Variants in SNTB2 observed in about 807,000 individuals in gnomAD.
SNTB2 encodes beta-2-syntrophin.
In SNTB2, 34 loss-of-function variants were observed where a neutral mutation model predicts 46.2. That is an observed-to-expected ratio of 0.74 (90% confidence interval 0.56 to 0.98). The LOEUF (loss-of-function observed/expected upper bound fraction) is 0.98, where lower values mean the gene tolerates loss of function less well. Ranked by LOEUF, SNTB2 falls within the 50% of genes least tolerant of loss-of-function variation. The pLI is 0.00. For synonymous variants in SNTB2, 290 were observed against 312.6 expected, an observed-to-expected ratio of 0.93 and a Z score of 0.76; for missense variants, 603 against 731.4, an observed-to-expected ratio of 0.82 and a Z score of 2.02.
chr16:69,265,120 G>T (rs2143104119), intron 3 of SNTB2, among the ~76,000 whole-genome samples: 1 of 152,116 alleles, frequency 6.6e-6, no homozygotes, highest in Non-Finnish European at 1.5e-5. Flanking sequence ...GTGGTGGCGG[G>T]CGCCTGTACT....
At chr16:69,196,919 GT>G (rs1223105464) in intron 1 of SNTB2, among the ~76,000 whole-genome samples, 1 of 152,148 alleles carries the variant, frequency 6.6e-6, no homozygotes, top group Non-Finnish European at 1.5e-5. Flanking sequence ...AGGATTTATT[GT>G]TATGATTGGC....
chr16:69,204,721 G>A (rs1335978215), intron 1 of SNTB2, among the ~76,000 whole-genome samples: 1 of 152,196 alleles, frequency 6.6e-6, no homozygotes, highest in Non-Finnish European at 1.5e-5. Flanking sequence ...GCCAGTGTAT[G>A]GAAATCTGCA....
chr16:69,292,634 G>A (rs1359399561), intron 5 of SNTB2, among the ~76,000 whole-genome samples: 1 of 132,628 alleles, frequency 7.5e-6, no homozygotes, highest in Non-Finnish European at 1.6e-5. Flanking sequence ...TGCATTTTTA[G>A]TAGAGGCGGG....
chr16:69,297,574 C>T (rs1965238891), intron 5 of SNTB2, among the ~76,000 whole-genome samples: 1 of 150,772 alleles, frequency 6.6e-6, no homozygotes, highest in African/African-American at 2.4e-5. Context: ...GCCAAGATCA[C>T]GCCACTGCAC....
intron 1 of SNTB2, among the ~76,000 whole-genome samples, chr16:69,243,624 C>T (rs979072130): frequency 9.2e-5 from 14 of 152,132 alleles, no homozygotes; most frequent in African/African-American, 3.4e-4. Context: ...CTTAAATGTT[C>T]AAAAAGCATG....
intron 4 of SNTB2, among the ~76,000 whole-genome samples, chr16:69,283,298 T>C (rs1872504391): frequency 6.6e-6 from 1 of 152,208 alleles, no homozygotes; most frequent in African/African-American, 2.4e-5. Context: ...TTTTAAAATG[T>C]AGACAGTCAT....
At chr16:69,208,839 CAAA>C (rs71148972) in intron 1 of SNTB2, among the ~76,000 whole-genome samples, 1 of 139,810 alleles carries the variant, frequency 7.2e-6, no homozygotes, top group African/African-American at 2.6e-5. Context: ...ACTAAAAATA[CAAA>C]AAAAAAAAAA....
At chr16:69,273,547 G>A (rs964844775) in intron 4 of SNTB2, among the ~76,000 whole-genome samples, 5 of 152,126 alleles carry the variant, frequency 3.3e-5, no homozygotes, top group Non-Finnish European at 5.9e-5. Context: ...TAGACAGAAG[G>A]TAGATTAGTG....
At chr16:69,297,658 T>C (rs915786247) in intron 5 of SNTB2, among the ~76,000 whole-genome samples, 1 of 148,280 alleles carries the variant, frequency 6.7e-6, no homozygotes, top group African/African-American at 2.5e-5. Context: ...ACGCCTATAA[T>C]CCCCACACTT....
At chr16:69,209,724 G>A (rs1186162192) in intron 1 of SNTB2, among the ~76,000 whole-genome samples, 1 of 152,126 alleles carries the variant, frequency 6.6e-6, no homozygotes, top group African/African-American at 2.4e-5. Context: ...ATATGTTTTT[G>A]TTGAATGAGT....
At chr16:69,220,864 C>A (rs1032744691) in intron 1 of SNTB2, among the ~76,000 whole-genome samples, 4 of 152,094 alleles carry the variant, frequency 2.6e-5, no homozygotes, top group Non-Finnish European at 5.9e-5. Flanking sequence ...TATATACGGT[C>A]TATAACTGTC....
At chr16:69,220,537 T>C (rs1964393578) in intron 1 of SNTB2, among the ~76,000 whole-genome samples, 1 of 151,646 alleles carries the variant, frequency 6.6e-6, no homozygotes, top group Non-Finnish European at 1.5e-5. Context: ...ATGTTTTGTT[T>C]TTTTTTTTGA....
rs1291261454 is a variant in SNTB2 at position 69,292,435 on chromosome 16, T to TATATA, written c.1346-7155_1346-7154insATATA. On this transcript the variant is annotated intron_variant, in intron 5 of 6. Transcript: ENST00000336278. ...TATATATATTATATATATATATATA[T>TATATA]TATATATATATAATTTTTTTTTTGA... is the stretch of plus-strand genomic sequence containing the variant. Among the ~76,000 whole-genome samples the TATATA allele has an allele frequency of 6.4e-3, 67 of 10,500 alleles. 4 individuals are homozygous for TATATA. Among genetic ancestry groups the TATATA allele is most frequent in the Admixed American group, 0.01 (6 of 588 alleles). 6.9% of individuals were successfully genotyped at this position (10,500 alleles called of 152,430 possible).
At chr16:69,297,232 G>A (rs532747413) in intron 5 of SNTB2, among the ~76,000 whole-genome samples, 217 of 146,768 alleles carry the variant, frequency 1.5e-3, no homozygotes, top group Non-Finnish European at 2.5e-3. Flanking sequence ...GCTTGAACCC[G>A]GGAGGCAGAG....
chr16:69,187,638 C>T lies in SNTB2; in HGVS notation c.472C>T (p.Arg158Trp). 2 of 1,551,560 alleles carry T rather than the reference C, an allele frequency of 1.3e-6. No homozygotes were observed. The highest frequency in any genetic ancestry group is 2.0e-5 in the Admixed American group (1 of 51,082). ...GLAADQSRAL[R>W]LGDAILSVNG... is the part of the protein sequence containing the mutation. ...GGCTGCCGACCAGAGCCGGGCGCTG[C>T]GGCTGGGCGACGCCATCCTGTCGGT... Residue 158 changes from arginine to tryptophan, a missense_variant, in exon 1 of 7, where the codon CGG becomes TGG. Arg to Trp is a moderately radical substitution (Grantham distance 101). Around this residue, in one of 2 missense-constraint regions of SNTB2, gnomAD observed 537 missense variants for 692.4 expected, o/e 0.78. Transcript: ENST00000336278.
chr16:69,233,985 A>C (rs186471414), intron 1 of SNTB2, among the ~76,000 whole-genome samples: 21 of 151,982 alleles, frequency 1.4e-4, no homozygotes, highest in Admixed American at 1.4e-3. Context: ...GTGCCACTGC[A>C]CTCCGACCTG....
At chr16:69,259,684 A>T (rs1164041782) in intron 2 of SNTB2, among the ~76,000 whole-genome samples, 1 of 148,476 alleles carries the variant, frequency 6.7e-6, no homozygotes, top group Admixed American at 6.7e-5. Flanking sequence ...GCTCACTGCA[A>T]CCTCCGCCTC....
intron 5 of SNTB2, among the ~76,000 whole-genome samples, chr16:69,296,589 G>A (rs1448933011): frequency 6.6e-6 from 1 of 151,306 alleles, no homozygotes; most frequent in Non-Finnish European, 1.5e-5. Flanking sequence ...AGGCCTGGTG[G>A]CACATGCCTG....
intron 5 of SNTB2, among the ~76,000 whole-genome samples, chr16:69,298,729 C>T (rs1965250498): frequency 6.6e-6 from 1 of 151,742 alleles, no homozygotes; most frequent in African/African-American, 2.4e-5. Flanking sequence ...GCCATGTTGG[C>T]CAGGCTAGTC....
Sources: gnomAD v4.1 joint callset for allele counts (sites outside exome capture counted in the v4.1 genomes callset) on GRCh38, gnomAD v4.1.1 for gene constraint, gnomAD v4.1.1 regional missense constraint, MANE v1.5 for transcripts, NCBI Gene and HGNC (gene_info 2026-07-23, HGNC 2026-07-21) for gene names.